GRID2: variants seen among roughly 807,000 people sequenced by gnomAD.
The protein encoded by GRID2 is glutamate receptor ionotropic, delta-2.
In GRID2, 33 loss-of-function variants were observed where a neutral mutation model predicts 114.8. The ratio of observed to expected loss-of-function variants is 0.29; its 90% CI spans 0.22 to 0.38. The LOEUF (loss-of-function observed/expected upper bound fraction) is 0.38. Among genes scored for constraint, GRID2 ranks in the 10% least tolerant of loss-of-function variants. The pLI, the probability that GRID2 is intolerant of heterozygous loss-of-function variation, is 1.00. For synonymous variants in GRID2, 505 were observed against 449.9 expected, an observed-to-expected ratio of 1.12 and a Z score of -1.55; for missense variants, 1,184 against 1,257.7, an observed-to-expected ratio of 0.94 and a Z score of 0.89.
chr4:92,824,459 T>C (rs1217914982), intron 2 of GRID2, among the ~76,000 whole-genome samples: 3 of 152,142 alleles, frequency 2.0e-5, no homozygotes, highest in Non-Finnish European at 2.9e-5. Context: ...TCTTGGGTGC[T>C]AGTTTCATGG....
chr4:92,928,414 C>A (rs1411189742), intron 2 of GRID2, among the ~76,000 whole-genome samples: 1 of 151,452 alleles, frequency 6.6e-6, no homozygotes, highest in Non-Finnish European at 1.5e-5. Flanking sequence ...CATAGAAATA[C>A]AAAATACACT....
At chr4:93,103,713 T>C (rs1222925796) in intron 3 of GRID2, among the ~76,000 whole-genome samples, 3 of 152,012 alleles carry the variant, frequency 2.0e-5, no homozygotes, top group African/African-American at 7.3e-5. Flanking sequence ...GTGCATTTAC[T>C]GAGAGGAGAG....
chr4:92,788,202 G>T (rs1256958620), intron 2 of GRID2, among the ~76,000 whole-genome samples: 1 of 151,684 alleles, frequency 6.6e-6, no homozygotes, highest in Non-Finnish European at 1.5e-5. Flanking sequence ...ATAGGAAGAT[G>T]TAGCAAAGGA....
In GRID2 at chr4:92,405,974, A is replaced by G. The variant is rs1420009423; in HGVS notation, c.88+101230A>G. Among the ~76,000 whole-genome samples the G allele has an allele frequency of 2.0e-5, 3 of 152,090 alleles. No homozygotes were observed. The East Asian group carries it at 5.8e-4, about 29-fold the overall frequency. On this transcript the variant is annotated intron_variant, in intron 1 of 15. Coordinates refer to ENST00000282020, the MANE Select transcript of GRID2 (RefSeq NM_001510.4). ...AAGGAGAGCCAGTCTGAGTCCCAAA[A>G]CTGAAGAACTTGGAGTCCAATGTTC...
intron 14 of GRID2, among the ~76,000 whole-genome samples, chr4:93,753,036 T>A (rs1035352316): frequency 4.6e-5 from 7 of 152,172 alleles, no homozygotes; most frequent in African/African-American, 1.7e-4. Context: ...TAAATAGTTA[T>A]CACTGATTCT....
chr4:93,483,351 T>C (rs1726058119), intron 11 of GRID2, among the ~76,000 whole-genome samples: 1 of 151,992 alleles, frequency 6.6e-6, no homozygotes. Flanking sequence ...GGAATGTTTA[T>C]TTTTTTAAAA....
chr4:92,463,076 A>C (rs1015926703), intron 1 of GRID2, among the ~76,000 whole-genome samples: 7 of 152,002 alleles, frequency 4.6e-5, no homozygotes, highest in African/African-American at 9.7e-5. Context: ...ATCACTGTGA[A>C]ATGCTATCAT....
At chr4:92,474,712 A>G (rs945975990) in intron 1 of GRID2, among the ~76,000 whole-genome samples, 7 of 151,848 alleles carry the variant, frequency 4.6e-5, no homozygotes, top group Non-Finnish European at 1.0e-4. Context: ...GTGTGAAGTG[A>G]TATCTCATTG....
chr4:93,291,511 AC>A (rs1475008423), intron 8 of GRID2, among the ~76,000 whole-genome samples: 1 of 151,782 alleles, frequency 6.6e-6, no homozygotes, highest in Non-Finnish European at 1.5e-5. Context: ...ATTTTCCAAA[AC>A]TAGGTTCAAA....
At chr4:92,341,671 A>G (rs1727495563) in intron 1 of GRID2, among the ~76,000 whole-genome samples, 1 of 152,164 alleles carries the variant, frequency 6.6e-6, no homozygotes, top group South Asian at 2.1e-4. Flanking sequence ...CTGTAATCCC[A>G]GCACTTTGGG....
intron 13 of GRID2, among the ~76,000 whole-genome samples, chr4:93,531,185 C>G (rs528060366): frequency 2.6e-5 from 4 of 151,990 alleles, no homozygotes; most frequent in African/African-American, 4.8e-5. Flanking sequence ...CAGAGTAAGA[C>G]GAAGGCTAGG....
intron 2 of GRID2, among the ~76,000 whole-genome samples, chr4:93,059,006 A>T (rs1474138396): frequency 1.3e-5 from 2 of 152,044 alleles, no homozygotes; most frequent in African/African-American, 4.8e-5. Context: ...ACTTGATCAC[A>T]TAGTAGAAAG....
intron 1 of GRID2, among the ~76,000 whole-genome samples, chr4:92,551,830 A>T (rs1726606343): frequency 6.6e-6 from 1 of 152,164 alleles, no homozygotes; most frequent in Non-Finnish European, 1.5e-5. Context: ...TACTGGAAAG[A>T]TGCTGCTAGG....
chr4:92,517,759 G>A (rs1039808372), intron 1 of GRID2, among the ~76,000 whole-genome samples: 1 of 151,814 alleles, frequency 6.6e-6, no homozygotes, highest in Non-Finnish European at 1.5e-5. Flanking sequence ...TTAAGGAAAT[G>A]TTCCAAATAT....
intron 12 of GRID2, among the ~76,000 whole-genome samples, chr4:93,505,627 ATATAT>A (rs1728555992): frequency 6.7e-6 from 1 of 148,764 alleles, no homozygotes; most frequent in Admixed American, 6.8e-5. Flanking sequence ...TATCATACAC[ATATAT>A]TAAATATAAT....
intron 1 of GRID2, among the ~76,000 whole-genome samples, chr4:92,571,294 A>G (rs981794283): frequency 2.6e-5 from 4 of 152,148 alleles, no homozygotes; most frequent in Non-Finnish European, 5.9e-5. Flanking sequence ...GAAGGCCATT[A>G]CATAATGGTA....
At chr4:92,746,116 C>T (rs1025375325) in intron 2 of GRID2, among the ~76,000 whole-genome samples, 21 of 152,112 alleles carry the variant, frequency 1.4e-4, no homozygotes, top group African/African-American at 4.8e-4. Flanking sequence ...TTTCACTTTA[C>T]TTCAAAATAT....
chr4:93,030,371 C>T (rs1230809034), intron 2 of GRID2, among the ~76,000 whole-genome samples: 2 of 151,208 alleles, frequency 1.3e-5, no homozygotes, highest in Non-Finnish European at 2.9e-5. Flanking sequence ...GGTTGATGCT[C>T]GTAGAGCTGC....
intron 2 of GRID2, among the ~76,000 whole-genome samples, chr4:93,014,237 A>G (rs917522505): frequency 6.6e-6 from 1 of 152,088 alleles, no homozygotes; most frequent in Non-Finnish European, 1.5e-5. Flanking sequence ...TGGAAACTGC[A>G]TGCCTGATCA....
Sources: gnomAD v4.1 joint callset for allele counts (sites outside exome capture counted in the v4.1 genomes callset) on GRCh38, gnomAD v4.1.1 for gene constraint, MANE v1.5 for transcripts, NCBI Gene and HGNC (gene_info 2026-07-23, HGNC 2026-07-21) for gene names.